The following CCM2L variants were observed in gnomAD, a reference collection of about 807,000 sequenced individuals.
The protein encoded by CCM2L is cerebral cavernous malformations 2 protein-like.
Under a neutral mutation model 54.1 loss-of-function variants are expected in CCM2L, and 36 were observed. The observed-to-expected ratio is 0.67, with a 90% CI of 0.51 to 0.88. The LOEUF is 0.88. CCM2L is among the 40% of genes least tolerant of loss of function. The pLI, the probability that CCM2L is intolerant of heterozygous loss-of-function variation, is 0.00. For synonymous variants in CCM2L, 351 were observed against 359.3 expected, an observed-to-expected ratio of 0.98 and a Z score of 0.26; for missense variants, 700 against 812.1, an observed-to-expected ratio of 0.86 and a Z score of 1.68.
rs138375629 is a variant in CCM2L, at chr20:32,022,774, C to T, written c.1048C>T (p.Arg350Trp). The T allele has an allele frequency of 6.4e-5, 104 of 1,613,208 alleles. No homozygotes were observed. In the Admixed American group the frequency reaches 1.4e-3, roughly 21 times the overall value. Reference protein sequence around the residue: ...AGYHYTSTPERPWLCSRSESC... With the variant: ...AGYHYTSTPEWPWLCSRSESC... ...CTACCACTACACATCCACACCTGAA[C>T]GGCCATGGCTCTGCAGCCGCAGTGA... Residue 350 changes from arginine (R) to tryptophan (W), a missense_variant, in exon 6 of 10, where the codon CGG becomes TGG. Coordinates refer to ENST00000452892, the MANE Select transcript of CCM2L (RefSeq NM_001365692.1).
Position 32,018,924 on chromosome 20 carries a change from G to GT in CCM2L, c.467-18dup, listed in dbSNP as rs2064769147. The GT allele has an allele frequency of 7.7e-7, 1 of 1,302,262 alleles. No homozygotes were observed. The highest frequency in any genetic ancestry group is 2.1e-5 in the South Asian group (1 of 46,954). 80.7% of individuals were successfully genotyped at this position (1,302,262 alleles called of 1,614,324 possible). The stretch of plus-strand genomic sequence containing the variant: ...TGAGTCCCGATCCCCGCGGCTGACG[G>GT]TCCCCCGGACTCTCCTAGGTCTGGG... On this transcript the variant is annotated intron_variant, in intron 4 of 9. Coordinates refer to ENST00000452892, the MANE Select transcript of CCM2L (RefSeq NM_001365692.1).
intron 2 of CCM2L, among the ~76,000 whole-genome samples, chr20:32,017,373 C>T (rs2122326500): frequency 6.6e-6 from 1 of 152,272 alleles, no homozygotes; most frequent in African/African-American, 2.4e-5. Context: ...GCCACTCAGG[C>T]CAGAGGAAAT....
rs144955607 is a variant in CCM2L at position 32,024,139 on chromosome 20, GTC to G, written c.1069+1346_1069+1347del. 7.3e-3 allele frequency among the ~76,000 whole-genome samples: 1,109 copies of G among 152,308 alleles called. 8 individuals carry two copies. Among genetic ancestry groups the G allele is most frequent in the Non-Finnish European group, 0.013 (890 of 68,028 alleles). ...AGAGTCAGGATTCAAATCCAGGTCT[GTC>G]TGATTCTGAAGCTTCTATCAGCAAC... On this transcript the variant is annotated intron_variant, in intron 6 of 9. Transcript: ENST00000452892.
rs1321154897 is a variant in CCM2L at position 32,019,160 on chromosome 20, C to A, written c.684C>A (p.Arg228=). Residue 228 remains arginine (R), a synonymous_variant, in exon 5 of 10, where the codon CGC becomes CGA. Transcript: ENST00000452892. ...GGGGGSLERQ[R]AGARASGSWE... ...GCGGCGGCAGCTTGGAGCGCCAGCG[C>A]GCCGGGGCGCGGGCGTCGGGCAGCT... 6.3e-6 allele frequency: 7 copies of A among 1,114,692 alleles called. No individual in the cohort carries two copies. The highest frequency in any genetic ancestry group is 7.7e-6 in the Non-Finnish European group (7 of 906,658). The allele number at this position is 1,114,692 out of a possible 1,614,324, so 69.1% of individuals were successfully genotyped here. A position where few individuals can be genotyped will look rare whatever the true frequency, so the allele number is the denominator to read the frequency against.
rs114537789 is a variant in CCM2L, at chr20:32,022,904, C to T, written c.1069+109C>T. 3,388 of 1,221,150 alleles carry T rather than the reference C, an allele frequency of 2.8e-3. 68 individuals carry two copies. In the African/African-American group the frequency reaches 0.046, roughly 16 times the overall value. 75.6% of individuals were successfully genotyped at this position (1,221,150 alleles called of 1,614,324 possible). ...GATGAAGGTATTTAGGGCTCCTGAT[C>T]TCTGCCATAATTACAGTGTACCCCA... On this transcript the variant is annotated intron_variant, in intron 6 of 9. Coordinates refer to ENST00000452892, the MANE Select transcript of CCM2L (RefSeq NM_001365692.1).
rs1248299685 is a variant in CCM2L at position 32,019,054 on chromosome 20, A to G, written c.578A>G (p.Glu193Gly). The G allele has an allele frequency of 3.9e-6, 5 of 1,294,136 alleles. No homozygotes were observed. The highest frequency in any genetic ancestry group is 4.9e-6 in the Non-Finnish European group (5 of 1,028,014). The allele number at this position is 1,294,136 out of a possible 1,614,324, so 80.2% of individuals were successfully genotyped here. ...GAGAAGCGGCGGGTGGGCACCGCGG[A>G]GCGGCGCCACACCATCTGCAGCCTG... ...APEKRRVGTA[E>G]RRHTICSLDW... is the part of the protein sequence containing the mutation. The change falls in exon 5 of 10, where the codon GAG (glutamate) becomes GGG (glycine). Residue 193 changes from glutamate (E) to glycine (G), a missense_variant. Glu to Gly is a moderately conservative substitution (Grantham distance 98). Transcript: ENST00000452892.
At chr20:32,021,626 C>T (rs1440388850) in intron 5 of CCM2L, among the ~76,000 whole-genome samples, 2 of 151,842 alleles carry the variant, frequency 1.3e-5, no homozygotes, top group East Asian at 3.9e-4. Flanking sequence ...ACTGGGCGAC[C>T]GGAGTGTGAC....
chr20:32,018,926 C>G lies in CCM2L; in HGVS notation c.467-17C>G. 7.6e-7 allele frequency: 1 copy of G among 1,319,196 alleles called. No homozygotes were observed. The highest frequency in any genetic ancestry group is 9.6e-7 in the Non-Finnish European group (1 of 1,036,376). The allele number at this position is 1,319,196 out of a possible 1,614,324, so 81.7% of individuals were successfully genotyped here. On this transcript the variant is annotated splice_polypyrimidine_tract_variant and intron_variant, in intron 4 of 9. Coordinates refer to ENST00000452892, the MANE Select transcript of CCM2L (RefSeq NM_001365692.1). ...AGTCCCGATCCCCGCGGCTGACGGT[C>G]CCCCGGACTCTCCTAGGTCTGGGTG...
At position 32,031,254 on chromosome 20, in the gene CCM2L, C is replaced by G. The variant is rs1170023018; in HGVS notation, c.1656C>G (p.Asp552Glu). 5.5e-5 allele frequency: 72 copies of G among 1,297,464 alleles called. No individual in the cohort carries two copies. The highest frequency in any genetic ancestry group is 6.9e-5 in the Admixed American group (3 of 43,378). The allele number at this position is 1,297,464 out of a possible 1,614,324, so 80.4% of individuals were successfully genotyped here. ...TGGCCCCCGATGACGACGACGACGA[C>G]GAGGATGAGCCCCGGGGCTCCAGGG... is the stretch of plus-strand genomic sequence containing the variant. ...EALAPDDDDDDEDEPRGSRGG... is the reference protein window; with the variant it reads ...EALAPDDDDDEEDEPRGSRGG... Residue 552 changes from aspartate to glutamate, a missense_variant, in exon 10 of 10, where the codon GAC becomes GAG. Coordinates refer to ENST00000452892, the MANE Select transcript of CCM2L (RefSeq NM_001365692.1).
chr20:32,029,651 G>T (rs367585529), intron 8 of CCM2L, 49 bp from the exon 9 acceptor site: 8 of 1,559,410 alleles, frequency 5.1e-6, no homozygotes, highest in Non-Finnish European at 7.0e-6. Context: ...GGCAGGGGTT[G>T]GGTGGCGCTG....
rs2064770120 is a variant in CCM2L, at chr20:32,018,972, G to A, written c.496G>A (p.Val166Met). ...GGGTGTGGACCCGGTGCCGGCCGGCGTGGATGCCAGCCCAGGCGGCGCAGG... is the reference window on the plus strand; with the variant it reads ...GGGTGTGGACCCGGTGCCGGCCGGCATGGATGCCAGCCCAGGCGGCGCAGG... The part of the protein sequence containing the change: ...GLGVDPVPAG[V>M]DASPGGAGRD... Residue 166 changes from valine (V) to methionine (M), a missense_variant, in exon 5 of 10, where the codon GTG (valine) becomes ATG (methionine). By Grantham distance (21) the Val-to-Met change is conservative (BLOSUM62 1). Transcript: ENST00000452892. 2 of 1,402,862 alleles carry A rather than the reference G, an allele frequency of 1.4e-6. No individual in the cohort carries two copies. The highest frequency in any genetic ancestry group is 1.5e-5 in the African/African-American group (1 of 66,394). 86.9% of individuals were successfully genotyped at this position (1,402,862 alleles called of 1,614,324 possible).
In CCM2L at chr20:32,031,059, C is replaced by A. The variant is rs766846316; in HGVS notation, c.1461C>A (p.Gly487=). The A allele has an allele frequency of 3.8e-6, 5 of 1,304,288 alleles. No homozygotes were observed. The highest frequency in any genetic ancestry group is 5.1e-6 in the Non-Finnish European group (5 of 988,946). The allele number at this position is 1,304,288 out of a possible 1,614,324, so 80.8% of individuals were successfully genotyped here. A position where few individuals can be genotyped will look rare whatever the true frequency, so the allele number is the denominator to read the frequency against. Residue 487 remains glycine, a synonymous_variant, in exon 10 of 10, where the codon GGC becomes GGA. Coordinates refer to ENST00000452892, the MANE Select transcript of CCM2L (RefSeq NM_001365692.1). ...DIGYFEGFLE[G]VGIREGGILT... ...GCTACTTCGAGGGCTTCCTGGAGGGCGTGGGCATCCGCGAGGGCGGCATCC... is the reference window on the plus strand; with the variant it reads ...GCTACTTCGAGGGCTTCCTGGAGGGAGTGGGCATCCGCGAGGGCGGCATCC...
In CCM2L at chr20:32,031,969, C is replaced by T. The variant is rs1008894796; in HGVS notation, c.*655C>T. ...CTGGGTCCCATTCTGGTCTTAAGACCCCAAACAAGGGTTTTTTCAGCTCCA... is the reference window on the plus strand; with the variant it reads ...CTGGGTCCCATTCTGGTCTTAAGACTCCAAACAAGGGTTTTTTCAGCTCCA... On this transcript the variant is annotated 3_prime_UTR_variant, in exon 10 of 10. Transcript: ENST00000452892. The T allele has an allele frequency of 2.6e-5, 4 of 151,984 alleles. No homozygotes were observed. The highest frequency in any genetic ancestry group is 9.7e-5 in the African/African-American group (4 of 41,342). 9.4% of individuals were successfully genotyped at this position (151,984 alleles called of 1,614,324 possible).
At chr20:32,028,803 G>T in intron 7 of CCM2L, 192 bp from the exon 8 acceptor site, 1 of 630,952 alleles carries the variant, frequency 1.6e-6, no homozygotes, top group East Asian at 2.9e-5. Context: ...GGGGGGTGGG[G>T]GGCGCGAAGC....
At chr20:32,013,816 G>A (rs1263459471) in intron 1 of CCM2L, among the ~76,000 whole-genome samples, 1 of 152,138 alleles carries the variant, frequency 6.6e-6, no homozygotes, top group Non-Finnish European at 1.5e-5. Flanking sequence ...TCTCACACTT[G>A]AGCATGTATC....
At chr20:32,023,556 G>T (rs775041345) in intron 6 of CCM2L, among the ~76,000 whole-genome samples, 2 of 152,210 alleles carry the variant, frequency 1.3e-5, no homozygotes, top group Non-Finnish European at 2.9e-5. Context: ...GCCAAGCACC[G>T]TACCAATGTG....
At position 32,018,101 on chromosome 20, in the gene CCM2L, C is replaced by T. The variant is rs371486364; in HGVS notation, c.405C>T (p.His135=). The T allele has an allele frequency of 6.2e-7, 1 of 1,611,518 alleles. No homozygotes were observed. Residue 135 remains histidine, a synonymous_variant, in exon 4 of 10, where the codon CAC becomes CAT. Coordinates refer to ENST00000452892, the MANE Select transcript of CCM2L (RefSeq NM_001365692.1). ...NEELILRIPT[H]EIAAASYLQD... ...AGCTCATTCTGCGAATCCCTACGCA[C>T]GAGATCGCCGCCGCCTCCTACCTGC...
At chr20:32,025,817 T>A (rs1600682746) in intron 6 of CCM2L, 39 bp from the exon 7 acceptor site, 3 of 1,294,420 alleles carry the variant, frequency 2.3e-6, no homozygotes, top group Non-Finnish European at 3.1e-6. Flanking sequence ...TGATCCCTGC[T>A]TTGCTGCCTC....
At position 32,014,778 on chromosome 20, in the gene CCM2L, A is replaced by T. The variant is rs534229258; in HGVS notation, c.31-126A>T. The T allele has an allele frequency of 3.3e-6, 3 of 902,718 alleles. No individual in the cohort carries two copies. The South Asian group carries it at 5.5e-5, about 17-fold the overall frequency. The allele number at this position is 902,718 out of a possible 1,614,324, so 55.9% of individuals were successfully genotyped here. ...TTTCTCCATCTGTAAAATGGGACTTACAGAGGTACCCCTTCTGCAGAGTTT... is the reference window on the plus strand; with the variant it reads ...TTTCTCCATCTGTAAAATGGGACTTTCAGAGGTACCCCTTCTGCAGAGTTT... On this transcript the variant is annotated intron_variant, in intron 1 of 9. Transcript: ENST00000452892.
Sources: gnomAD v4.1 joint callset for allele counts (sites outside exome capture counted in the v4.1 genomes callset) on GRCh38, gnomAD v4.1.1 for gene constraint, MANE v1.5 for transcripts, NCBI Gene and HGNC (gene_info 2026-07-23, HGNC 2026-07-21) for gene names.